Variants in CENPO observed in about 807,000 individuals in gnomAD.
The protein encoded by CENPO is centromere protein O, also known as centromeric protein O.
Under a neutral mutation model 36.1 loss-of-function variants are expected in CENPO, and 30 were observed. The ratio of observed to expected loss-of-function variants is 0.83; its 90% CI spans 0.62 to 1.13. The LOEUF (loss-of-function observed/expected upper bound fraction) is 1.13. CENPO is among the 50% of genes most tolerant of loss of function. CENPO has a pLI of 0.00. For synonymous variants in CENPO, 171 were observed against 142.3 expected (o/e 1.20, Z -1.44); for missense variants, 349 against 357.8 (o/e 0.98, Z 0.20).
At chr2:24,803,307 G>T (rs1666239294) in intron 3 of CENPO, among the ~76,000 whole-genome samples, 1 of 151,708 alleles carries the variant, frequency 6.6e-6, no homozygotes, top group Non-Finnish European at 1.5e-5. Context: ...TTTTTGAAGG[G>T]TTTTTTGTGT....
Position 24,821,436 on chromosome 2 carries a change from C to T in CENPO, c.*2118C>T. ...CCGAATTGCCTCAGTTGTCCTGAGC[C>T]TCATGTCTCTCCTGGTGGTGGGCCA... On this transcript the variant is annotated 3_prime_UTR_variant, in exon 8 of 8. Transcript: ENST00000380834. 1 of 1,569,630 alleles carries T rather than the reference C, an allele frequency of 6.4e-7. No individual in the cohort carries two copies. Among genetic ancestry groups the T allele is most frequent in the South Asian group, 1.2e-5 (1 of 85,502 alleles).
chr2:24,816,784 A>C lies in CENPO; in HGVS notation c.733A>C (p.Thr245Pro), dbSNP rs768401168. The part of the protein sequence containing the change: ...ARLLYKDLTA[T>P]LPTDVTVTCQ... ...ATTGCTGTATAAGGACCTCACAGCAACTCTTCCCACTGACGTCACCGTGAC... is the reference window on the plus strand; with the variant it reads ...ATTGCTGTATAAGGACCTCACAGCACCTCTTCCCACTGACGTCACCGTGAC... Residue 245 changes from threonine (T) to proline (P), a missense_variant, in exon 6 of 8, where the codon ACT becomes CCT. By Grantham distance (38) the Thr-to-Pro change is conservative. Transcript: ENST00000380834. The C allele has an allele frequency of 1.5e-5, 24 of 1,602,278 alleles. 1 individual carries two copies. In the South Asian group the frequency reaches 2.7e-4, roughly 18 times the overall value.
chr2:24,805,778 C>T (rs908160235), intron 3 of CENPO, among the ~76,000 whole-genome samples: 2 of 152,184 alleles, frequency 1.3e-5, no homozygotes, highest in Admixed American at 1.3e-4. Context: ...GGTCAGGGAC[C>T]CACTTGAGGA....
In CENPO at chr2:24,820,075, A is replaced by G; in HGVS notation, c.*757A>G. 6.3e-7 allele frequency: 1 copy of G among 1,579,970 alleles called. No homozygotes were observed. The highest frequency in any genetic ancestry group is 8.6e-7 in the Non-Finnish European group (1 of 1,163,822). On this transcript the variant is annotated 3_prime_UTR_variant, in exon 8 of 8. Transcript: ENST00000380834. The stretch of plus-strand genomic sequence containing the variant: ...ATGGGGCCTCGCCTCACAAAGCGGA[A>G]GCCGTACTCTCGGAGGATGACTTGG...
chr2:24,817,658 CTTTCTT>C lies in CENPO; in HGVS notation c.767-8_767-3del. Reference sequence around the variant, plus strand: ...CTGCACTGAATGAGATTGATGGAATCTTTCTTTTTAGGAGTGGAAGTATTATCCACT... The same window carrying C: ...CTGCACTGAATGAGATTGATGGAATCTTTAGGAGTGGAAGTATTATCCACT... On this transcript the variant is annotated splice_region_variant and splice_polypyrimidine_tract_variant and intron_variant, in intron 6 of 7. Transcript: ENST00000380834. 1 of 1,614,082 alleles carries C rather than the reference CTTTCTT, an allele frequency of 6.2e-7. No individual in the cohort carries two copies. The highest frequency in any genetic ancestry group is 8.5e-7 in the Non-Finnish European group (1 of 1,180,012).
intron 4 of CENPO, 134 bp from the exon 5 acceptor site, chr2:24,815,363 T>C (rs1176613917): frequency 4.2e-6 from 3 of 711,620 alleles, no homozygotes; most frequent in Non-Finnish European, 7.5e-6. Context: ...AGAATGAGCC[T>C]ATGATACTCA....
At chr2:24,814,041 G>A (rs981466563) in intron 3 of CENPO, among the ~76,000 whole-genome samples, 1 of 152,130 alleles carries the variant, frequency 6.6e-6, no homozygotes, top group African/African-American at 2.4e-5. Flanking sequence ...AACTTACCCA[G>A]CCTTGCCTCT....
chr2:24,796,387 T>C (rs1268229506), intron 2 of CENPO, among the ~76,000 whole-genome samples: 2 of 152,182 alleles, frequency 1.3e-5, no homozygotes, highest in Non-Finnish European at 1.5e-5. Flanking sequence ...GTGTTTACCA[T>C]GTGTAAACAC....
In CENPO at chr2:24,806,289, G is replaced by A. The variant is rs140990604; in HGVS notation, c.216+6445G>A. ...CGCTTCCTGGGTGAGGCGATGCCTC[G>A]CCCTGCTTTGGCTCACACTCGGTGT... On this transcript the variant is annotated intron_variant, in intron 3 of 7. Coordinates refer to ENST00000380834, the MANE Select transcript of CENPO (RefSeq NM_001322101.2). 3.3e-5 allele frequency among the ~76,000 whole-genome samples: 5 copies of A among 152,312 alleles called. No individual in the cohort carries two copies. In the East Asian group the frequency reaches 7.7e-4, roughly 24 times the overall value.
At chr2:24,798,681 T>G (rs1666023483) in intron 2 of CENPO, among the ~76,000 whole-genome samples, 3 of 152,004 alleles carry the variant, frequency 2.0e-5, no homozygotes, top group Admixed American at 1.3e-4. Flanking sequence ...AGGATGGTCT[T>G]GATGTCCCGA....
chr2:24,821,746 T>G lies in CENPO; in HGVS notation c.*2428T>G, dbSNP rs1337715147. ...TGGGGGTGGATTCCCTACACCTAGA[T>G]GTTCAAGGCCTTACTTTTCCTCCCA... On this transcript the variant is annotated 3_prime_UTR_variant, in exon 8 of 8. Coordinates refer to ENST00000380834, the MANE Select transcript of CENPO (RefSeq NM_001322101.2). The G allele has an allele frequency of 6.8e-7, 1 of 1,477,174 alleles. No individual in the cohort carries two copies. The highest frequency in any genetic ancestry group is 9.1e-7 in the Non-Finnish European group (1 of 1,103,070). 91.5% of individuals were successfully genotyped at this position (1,477,174 alleles called of 1,614,324 possible).
chr2:24,805,050 TCTC>T (rs1193796737), intron 3 of CENPO, among the ~76,000 whole-genome samples: 1 of 152,170 alleles, frequency 6.6e-6, no homozygotes, highest in Non-Finnish European at 1.5e-5. Flanking sequence ...TCTCTAAACT[TCTC>T]TTCTTGCTTC....
Position 24,816,834 on chromosome 2 carries a change from A to G in CENPO, c.766+17A>G, listed in dbSNP as rs1413152946. ...CATGTCAAGGTAAGAAGGGTGCCTCAGTGCAGAAATTCTCATATCCCAGTT... is the reference window on the plus strand; with the variant it reads ...CATGTCAAGGTAAGAAGGGTGCCTCGGTGCAGAAATTCTCATATCCCAGTT... On this transcript the variant is annotated intron_variant, in intron 6 of 7. Coordinates refer to ENST00000380834, the MANE Select transcript of CENPO (RefSeq NM_001322101.2). 1 of 1,564,456 alleles carries G rather than the reference A, an allele frequency of 6.4e-7. No homozygotes were observed. The highest frequency in any genetic ancestry group is 1.2e-5 in the South Asian group (1 of 83,116).
rs1666078812 is a variant in CENPO at position 24,799,738 on chromosome 2, A to T, written c.110A>T (p.Glu37Val). ...QVSRSRKQSEELQSVQAQEGA... is the reference protein window; with the variant it reads ...QVSRSRKQSEVLQSVQAQEGA... Reference sequence around the variant, plus strand: ...AGCAGATCCCGTAAACAGTCTGAAGAGCTGCAGAGCGTGCAGGCCCAGGAA... The same window carrying T: ...AGCAGATCCCGTAAACAGTCTGAAGTGCTGCAGAGCGTGCAGGCCCAGGAA... The change falls in exon 3 of 8, where the codon GAG becomes GTG. Residue 37 changes from glutamate (E) to valine (V), a missense_variant. Coordinates refer to ENST00000380834, the MANE Select transcript of CENPO (RefSeq NM_001322101.2). The T allele has an allele frequency of 1.2e-6, 2 of 1,613,978 alleles. No individual in the cohort carries two copies. Among genetic ancestry groups the T allele is most frequent in the Non-Finnish European group, 1.7e-6 (2 of 1,180,022 alleles).
In CENPO at chr2:24,817,675, G is replaced by A. The variant is rs769284487; in HGVS notation, c.772G>A (p.Glu258Lys). Residue 258 changes from glutamate (E) to lysine (K), a missense_variant, in exon 7 of 8, where the codon GAA (glutamate) becomes AAA (lysine). By Grantham distance (56) the Glu-to-Lys change is moderately conservative. Coordinates refer to ENST00000380834, the MANE Select transcript of CENPO (RefSeq NM_001322101.2). ...GATGGAATCTTTCTTTTTAGGAGTG[G>A]AAGTATTATCCACTTCATGGGAGGA... ...TDVTVTCQGV[E>K]VLSTSWEEQR... 6.2e-7 allele frequency: 1 copy of A among 1,614,170 alleles called. No homozygotes were observed. The highest frequency in any genetic ancestry group is 8.5e-7 in the Non-Finnish European group (1 of 1,180,036).
rs1666634235 is a variant in CENPO, at chr2:24,810,624, C to T, written c.217-3752C>T. 2.0e-5 allele frequency among the ~76,000 whole-genome samples: 3 copies of T among 150,998 alleles called. No homozygotes were observed. The South Asian group carries it at 6.3e-4, about 32-fold the overall frequency. On this transcript the variant is annotated intron_variant, in intron 3 of 7. Transcript: ENST00000380834. ...CCGGGTTCAAGCAATTCTCGTGCCT[C>T]AGCCTCCCAAGTAGCTGGGACTAGA...
chr2:24,800,445 T>C (rs541249139), intron 3 of CENPO, among the ~76,000 whole-genome samples: 5 of 151,934 alleles, frequency 3.3e-5, no homozygotes, highest in Non-Finnish European at 7.4e-5. Flanking sequence ...CATTTAACAT[T>C]AGGTGTATCT....
intron 3 of CENPO, among the ~76,000 whole-genome samples, chr2:24,812,117 C>T (rs545783628): frequency 6.6e-6 from 1 of 152,110 alleles, no homozygotes; most frequent in Non-Finnish European, 1.5e-5. Context: ...GTAAAATCTC[C>T]ATATTTGTTT....
At position 24,821,968 on chromosome 2, in the gene CENPO, A is replaced by C; in HGVS notation, c.*2650A>C. On this transcript the variant is annotated 3_prime_UTR_variant, in exon 8 of 8. Coordinates refer to ENST00000380834, the MANE Select transcript of CENPO (RefSeq NM_001322101.2). ...TTGTCCTTGTTTGGATCCCTCAACT[A>C]GGTGATAAGCACTGGAGGGGGATGA... 3.4e-6 allele frequency: 1 copy of C among 293,760 alleles called. No individual in the cohort carries two copies. Among genetic ancestry groups the C allele is most frequent in the Non-Finnish European group, 6.4e-6 (1 of 155,210 alleles). The allele number at this position is 293,760 out of a possible 1,614,324, so 18.2% of individuals were successfully genotyped here. A position where few individuals can be genotyped will look rare whatever the true frequency, so the allele number is the denominator to read the frequency against.
Sources: allele counts gnomAD v4.1 joint callset (sites outside exome capture counted in the v4.1 genomes callset), GRCh38; gene constraint gnomAD v4.1.1; transcripts MANE v1.5; gene names NCBI Gene and HGNC (gene_info 2026-07-23, HGNC 2026-07-21).